Variants in MUC4 observed in about 807,000 individuals in gnomAD.
MUC4 encodes the protein mucin-4.
MUC4 carries 202 observed loss-of-function variants against 257.9 expected under a neutral mutation model. That is an observed-to-expected ratio of 0.78 (90% CI 0.70 to 0.88). The LOEUF (loss-of-function observed/expected upper bound fraction) is 0.88. Ranked by LOEUF, MUC4 falls within the 40% of genes least tolerant of loss-of-function variation. MUC4 has a pLI of 0.00. For synonymous variants in MUC4, 2,351 were observed against 2,757.1 expected, an observed-to-expected ratio of 0.85 and a Z score of 4.62; for missense variants, 5,976 against 6,513.7, an observed-to-expected ratio of 0.92 and a Z score of 2.84.
intron 20 of MUC4, among the ~76,000 whole-genome samples, chr3:195,752,703 C>T (rs150458688): frequency 6.6e-6 from 1 of 151,828 alleles, no homozygotes; most frequent in Non-Finnish European, 1.5e-5. Context: ...CCTCACCCTA[C>T]ATTCCACAGT....
At chr3:195,761,703 G>C (rs1467664834) in intron 14 of MUC4, 118 bp from the exon 15 acceptor site, 1 of 766,346 alleles carries the variant, frequency 1.3e-6, no homozygotes, top group East Asian at 2.6e-5. Context: ...TCTTGCACCT[G>C]CTGTCAGGCC....
rs1736673320 is a variant in MUC4, at chr3:195,811,145, ATAT to A, written c.82+588_82+590del. On this transcript the variant is annotated intron_variant, in intron 1 of 24. Coordinates refer to ENST00000463781, the MANE Select transcript of MUC4 (RefSeq NM_018406.7). ...CTCTTCTTATTTTTTATTTTATTTT[ATAT>A]TTATTTATTTATTTATTTATTTATT... 2.2e-5 allele frequency among the ~76,000 whole-genome samples: 3 copies of A among 136,752 alleles called. No individual in the cohort carries two copies. In the South Asian group the frequency reaches 7.1e-4, roughly 33 times the overall value. 89.7% of individuals were successfully genotyped at this position (136,752 alleles called of 152,430 possible). A position where few individuals can be genotyped will look rare whatever the true frequency, so the allele number is the denominator to read the frequency against.
At position 195,764,996 on chromosome 3, in the gene MUC4, C is replaced by A; in HGVS notation, c.13924+1G>T. The A allele has an allele frequency of 6.2e-7, 1 of 1,613,566 alleles. No homozygotes were observed. The highest frequency in any genetic ancestry group is 8.5e-7 in the Non-Finnish European group (1 of 1,179,810). On this transcript the variant is annotated splice_donor_variant, in intron 10 of 24. Coordinates refer to ENST00000463781, the MANE Select transcript of MUC4 (RefSeq NM_018406.7). LOFTEE classifies it high-confidence loss of function. ...GGGGTTGAGATCACGGACTCACGCACCCAACTGCCAAGGACGCTGCACGTG... is the reference window on the plus strand; with the variant it reads ...GGGGTTGAGATCACGGACTCACGCAACCAACTGCCAAGGACGCTGCACGTG...
chr3:195,771,438 T>C (rs1011414379), intron 5 of MUC4, among the ~76,000 whole-genome samples: 66 of 152,084 alleles, frequency 4.3e-4, no homozygotes, highest in African/African-American at 1.4e-3. Context: ...CGTGGTTGGG[T>C]TGGGGTATTC....
chr3:195,791,397 A>G lies in MUC4; in HGVS notation c.183T>C (p.Ala61=). 1 of 1,613,988 alleles carries G rather than the reference A, an allele frequency of 6.2e-7. No individual in the cohort carries two copies. Among genetic ancestry groups the G allele is most frequent in the Non-Finnish European group, 8.5e-7 (1 of 1,179,898 alleles). ...TATLEGQSTA[A]SSRTSNQDIS... is the part of the protein sequence containing the mutation. ...TGTCCTGATTAGAGGTCCTTGAAGAAGCTGCAGTTGATTGTCCCTCTAGTG... is the reference window on the plus strand; with the variant it reads ...TGTCCTGATTAGAGGTCCTTGAAGAGGCTGCAGTTGATTGTCCCTCTAGTG... The change falls in exon 2 of 25, where the codon GCT becomes GCC. Residue 61 remains alanine (A), a synonymous_variant. Transcript: ENST00000463781.
At chr3:195,767,913 T>TGCCACCATCACCAC (rs1560266554) in intron 7 of MUC4, among the ~76,000 whole-genome samples, 1 of 110,284 alleles carries the variant, frequency 9.1e-6, no homozygotes, top group African/African-American at 3.9e-5. Flanking sequence ...ACCATCACCA[T>TGCCACCATCACCAC]CGCCACTGCC....
At chr3:195,802,605 C>CA (rs1272683000) in intron 1 of MUC4, among the ~76,000 whole-genome samples, 4 of 152,130 alleles carry the variant, frequency 2.6e-5, no homozygotes, top group Admixed American at 1.3e-4. Flanking sequence ...GTCTAGTGGT[C>CA]AGAGACTGGT....
In MUC4 at chr3:195,791,058, T is replaced by C. The variant is rs752567504; in HGVS notation, c.522A>G (p.Gly174=). The stretch of plus-strand genomic sequence containing the variant: ...AAGTTGTTCGTGATTGTCCTTCCTG[T>C]CCAGCTGTTATTGAGACTGCTGAGG... The part of the protein sequence containing the change: ...PVTSAVSITA[G]QEGQSRTTSW... The change falls in exon 2 of 25, where the codon GGA becomes GGG. Residue 174 remains glycine (G), a synonymous_variant. Transcript: ENST00000463781. 1 of 1,613,766 alleles carries C rather than the reference T, an allele frequency of 6.2e-7. No homozygotes were observed. Among genetic ancestry groups the C allele is most frequent in the East Asian group, 2.2e-5 (1 of 44,840 alleles).
Position 195,771,165 on chromosome 3 carries a change from T to C in MUC4, c.13242+487A>G. On this transcript the variant is annotated intron_variant, in intron 5 of 24. Coordinates refer to ENST00000463781, the MANE Select transcript of MUC4 (RefSeq NM_018406.7). The stretch of plus-strand genomic sequence containing the variant: ...CGCGGCCGGGTTGGGGTATTCCTGG[T>C]CAGTCTCGTGGTTGGGTTGGGGTAT... Among the ~76,000 whole-genome samples the C allele has an allele frequency of 1.4e-5, 2 of 138,936 alleles. 1 individual carries two copies. The highest frequency in any genetic ancestry group is 5.5e-5 in the African/African-American group (2 of 36,278). 91.1% of individuals were successfully genotyped at this position (138,936 alleles called of 152,430 possible). A position where few individuals can be genotyped will look rare whatever the true frequency, so the allele number is the denominator to read the frequency against.
rs774302957 is a variant in MUC4, at chr3:195,790,562, T to G, written c.1018A>C (p.Thr340Pro). The change falls in exon 2 of 25, where the codon ACC becomes CCC. Residue 340 changes from threonine (T) to proline (P), a missense_variant. Coordinates refer to ENST00000463781, the MANE Select transcript of MUC4 (RefSeq NM_018406.7). ...VETTRVSQINTLNTLTPVTTS... is the reference protein window; with the variant it reads ...VETTRVSQINPLNTLTPVTTS... ...GTAACCGGTGTGAGGGTGTTGAGGG[T>G]GTTGATTTGAGATACTCTGGTGGTC... The G allele has an allele frequency of 1.9e-6, 3 of 1,613,866 alleles. No homozygotes were observed. Among genetic ancestry groups the G allele is most frequent in the Non-Finnish European group, 2.5e-6 (3 of 1,179,866 alleles).
In MUC4 at chr3:195,750,931, A is replaced by G. The variant is rs1169802781; in HGVS notation, c.15829T>C (p.Phe5277Leu). Reference protein sequence around the residue: ...RSEEPRNDVVFQPISGEDVRD... With the variant: ...RSEEPRNDVVLQPISGEDVRD... ...ACGTCTTCCCCGGAGATGGGCTGGA[A>G]GACCACGTCGTTCCTGGGCTCCTCA... The change falls in exon 23 of 25, where the codon TTC (phenylalanine) becomes CTC (leucine). Residue 5277 changes from phenylalanine to leucine, a missense_variant. By Grantham distance (22) the Phe-to-Leu change is conservative. Coordinates refer to ENST00000463781, the MANE Select transcript of MUC4 (RefSeq NM_018406.7). 7 of 1,613,970 alleles carry G rather than the reference A, an allele frequency of 4.3e-6. No individual in the cohort carries two copies. The highest frequency in any genetic ancestry group is 5.1e-6 in the Non-Finnish European group (6 of 1,180,038).
intron 1 of MUC4, among the ~76,000 whole-genome samples, chr3:195,808,541 C>T (rs947829356): frequency 6.6e-6 from 1 of 152,178 alleles, no homozygotes; most frequent in Non-Finnish European, 1.5e-5. Flanking sequence ...GATGCTGTCT[C>T]GTTTCATCCT....
rs1463097471 is a variant in MUC4 at position 195,747,256 on chromosome 3, T to C, written c.16159A>G (p.Thr5387Ala). 8.1e-6 allele frequency: 13 copies of C among 1,614,216 alleles called. No homozygotes were observed. The highest frequency in any genetic ancestry group is 2.2e-5 in the South Asian group (2 of 91,084). The change falls in exon 25 of 25, where the codon ACG becomes GCG. Residue 5387 changes from threonine to alanine, a missense_variant. Around this residue, in one of 44 missense-constraint regions of MUC4, gnomAD observed 310 missense variants for 242.1 expected, o/e 1.28. Transcript: ENST00000463781. ...CCCCAGAAGCGCAGGACCACGAACG[T>C]CCCGACCCCCAGCAGCAAGAGGCCG... ...LGGLLLLGVG[T>A]FVVLRFWGCS... is the part of the protein sequence containing the mutation.
At position 195,782,378 on chromosome 3, in the gene MUC4, C is replaced by A; in HGVS notation, c.9202G>T (p.Gly3068Cys). ...HVTSPSSAST[G>C]HATPLPVTDT... is the part of the protein sequence containing the mutation. ...GTGACAGGAAGCGGGGTGGCGTGAC[C>A]GGTGGATGCTGAGGAAGGGCTGGTG... The change falls in exon 2 of 25, where the codon GGT becomes TGT. Residue 3068 changes from glycine to cysteine, a missense_variant. Gly to Cys is a radical substitution (Grantham distance 159, BLOSUM62 -3). Transcript: ENST00000463781. The A allele has an allele frequency of 2.1e-6, 3 of 1,421,678 alleles. No individual in the cohort carries two copies. In the African/African-American group the frequency reaches 5.4e-5, roughly 26 times the overall value. The allele number at this position is 1,421,678 out of a possible 1,614,324, so 88.1% of individuals were successfully genotyped here.
chr3:195,784,206 G>T lies in MUC4; in HGVS notation c.7374C>A (p.Ser2458=). The T allele has an allele frequency of 1.3e-6, 2 of 1,497,936 alleles. No homozygotes were observed. The highest frequency in any genetic ancestry group is 1.8e-6 in the Non-Finnish European group (2 of 1,111,372). The allele number at this position is 1,497,936 out of a possible 1,614,324, so 92.8% of individuals were successfully genotyped here. A position where few individuals can be genotyped will look rare whatever the true frequency, so the allele number is the denominator to read the frequency against. ...PLPVTSTSSA[S]TGDTTPLPGT... ...CAGGAAGAGGGGTGGTGTCACCTGTGGATGCTGAGGAAGTGCTGGTGACAG... is the reference window on the plus strand; with the variant it reads ...CAGGAAGAGGGGTGGTGTCACCTGTTGATGCTGAGGAAGTGCTGGTGACAG... Residue 2458 remains serine, a synonymous_variant, in exon 2 of 25, where the codon TCC becomes TCA. Coordinates refer to ENST00000463781, the MANE Select transcript of MUC4 (RefSeq NM_018406.7).
chr3:195,762,305 G>C (rs773372860), intron 13 of MUC4, 51 bp from the exon 14 acceptor site: 1 of 1,513,116 alleles, frequency 6.6e-7, no homozygotes, highest in South Asian at 1.3e-5. Flanking sequence ...ACCACGGCCC[G>C]CACCAAACCC....
chr3:195,789,269 T>TCATG lies in MUC4; in HGVS notation c.2307_2310dup (p.Thr771HisfsTer8). 2.5e-6 allele frequency: 4 copies of TCATG among 1,613,850 alleles called. No homozygotes were observed. Among genetic ancestry groups the TCATG allele is most frequent in the Non-Finnish European group, 3.4e-6 (4 of 1,179,842 alleles). On this transcript the variant is annotated frameshift_variant, in exon 2 of 25. Transcript: ENST00000463781. LOFTEE classifies it high-confidence loss of function. ...GTGCTCTCAGCCTGGTGGGTATGGG[T>TCATG]CATGGCTGCTGCTGTGTCAGGTGAG...
At chr3:195,776,337 C>CAGTCAT in intron 3 of MUC4, among the ~76,000 whole-genome samples, 1 of 122,538 alleles carries the variant, frequency 8.2e-6, no homozygotes, top group Non-Finnish European at 1.6e-5. Context: ...ATACCTTCCA[C>CAGTCAT]ACCCATACCT....
In MUC4 at chr3:195,789,462, G is replaced by T. The variant is rs567256201; in HGVS notation, c.2118C>A (p.Thr706=). The change falls in exon 2 of 25, where the codon ACC becomes ACA. Residue 706 remains threonine, a synonymous_variant. Transcript: ENST00000463781. The stretch of plus-strand genomic sequence containing the variant: ...CCTGCAGTGCTGTGGTCGGGGCCTG[G>T]GTTGTGTGACCATCCCCGGTGGGAG... ...APAPTGDGHT[T]QAPTTALQAA... 5.6e-5 allele frequency: 91 copies of T among 1,613,976 alleles called. 1 individual carries two copies. The East Asian group carries it at 1.9e-3, about 34-fold the overall frequency.
Sources: gnomAD v4.1 joint callset for allele counts (sites outside exome capture counted in the v4.1 genomes callset) on GRCh38, gnomAD v4.1.1 for gene constraint, gnomAD v4.1.1 regional missense constraint, MANE v1.5 for transcripts, NCBI Gene and HGNC (gene_info 2026-07-23, HGNC 2026-07-21) for gene names.